The following FOXP2 variants were observed in gnomAD, a reference collection of about 807,000 sequenced individuals.
The protein encoded by FOXP2 is forkhead box protein P2.
In FOXP2, 12 loss-of-function variants were observed where a neutral mutation model predicts 115.8. The ratio of observed to expected loss-of-function variants is 0.10; its 90% CI spans 0.07 to 0.17. The LOEUF (loss-of-function observed/expected upper bound fraction) is 0.17. Among genes scored for constraint, FOXP2 ranks in the 10% least tolerant of loss-of-function variants. The pLI, the probability that FOXP2 is intolerant of heterozygous loss-of-function variation, is 1.00. For synonymous variants in FOXP2, 328 were observed against 297.7 expected, an observed-to-expected ratio of 1.10 and a Z score of -1.05; for missense variants, 629 against 843.5, an observed-to-expected ratio of 0.75 and a Z score of 3.15.
intron 2 of FOXP2, among the ~76,000 whole-genome samples, chr7:114,437,361 T>C (rs866441284): frequency 2.2e-4 from 34 of 152,330 alleles, no homozygotes; most frequent in South Asian, 6.2e-4. Context: ...TCCCAAAGTC[T>C]TCCAAGTGTA....
At chr7:114,588,409 A>G (rs1296635817) in intron 3 of FOXP2, among the ~76,000 whole-genome samples, 1 of 152,168 alleles carries the variant, frequency 6.6e-6, no homozygotes, top group African/African-American at 2.4e-5. Context: ...AATGCTCCGA[A>G]ATGATAAGAA....
At chr7:114,484,809 A>G (rs575321824) in intron 2 of FOXP2, among the ~76,000 whole-genome samples, 1 of 151,946 alleles carries the variant, frequency 6.6e-6, no homozygotes, top group African/African-American at 2.4e-5. Flanking sequence ...GAAAAATAAC[A>G]AAATCATTAT....
At chr7:114,158,269 G>A (rs777413098), upstream of FOXP2, among the ~76,000 whole-genome samples, 2 of 152,080 alleles carry the variant, frequency 1.3e-5, no homozygotes, top group African/African-American at 4.8e-5. Flanking sequence ...TTGTCAGGTC[G>A]CAGGCTAGCC....
chr7:114,625,731 C>G (rs1022946902), intron 3 of FOXP2, among the ~76,000 whole-genome samples: 3 of 151,710 alleles, frequency 2.0e-5, no homozygotes, highest in Non-Finnish European at 4.4e-5. Context: ...TGCAATATTA[C>G]TGACCTTTGT....
chr7:114,161,821 G>A (rs1792844623), upstream of FOXP2, among the ~76,000 whole-genome samples: 1 of 152,050 alleles, frequency 6.6e-6, no homozygotes, highest in African/African-American at 2.4e-5. Flanking sequence ...CTGTTGCCCA[G>A]GCTGGAGTGC....
chr7:114,670,464 G>A lies in FOXP2; in HGVS notation c.2003+6028G>A, dbSNP rs575477329. Among the ~76,000 whole-genome samples the A allele has an allele frequency of 1.0e-3, 152 of 151,886 alleles. 1 individual carries two copies. Among genetic ancestry groups the A allele is most frequent in the African/African-American group, 3.2e-3 (132 of 41,448 alleles). On this transcript the variant is annotated intron_variant, in intron 16 of 16. Transcript: ENST00000350908. ...CATCACATACCCCAGTCATCTTTAC[G>A]ACATCCTCTTCTTCTTCATAACCTC...
At chr7:114,598,862 T>C (rs140033889) in intron 3 of FOXP2, among the ~76,000 whole-genome samples, 10 of 152,228 alleles carry the variant, frequency 6.6e-5, no homozygotes, top group Admixed American at 1.3e-4. Context: ...GATTGTAAAA[T>C]AGAACATTTA....
intron 1 of FOXP2, among the ~76,000 whole-genome samples, chr7:114,418,927 G>T (rs1793473787): frequency 6.6e-6 from 1 of 151,832 alleles, no homozygotes; most frequent in African/African-American, 2.4e-5. Context: ...CTAACTGAAA[G>T]ACTAGTAATT....
At chr7:114,174,847 A>C (rs1407261512) in intron 1 of FOXP2, among the ~76,000 whole-genome samples, 1 of 152,148 alleles carries the variant, frequency 6.6e-6, no homozygotes, top group African/African-American at 2.4e-5. Context: ...GTAATTCAAC[A>C]AAATGAAGCA....
chr7:114,587,341 T>C (rs1554425514), intron 3 of FOXP2, among the ~76,000 whole-genome samples: 1 of 152,126 alleles, frequency 6.6e-6, no homozygotes, highest in Non-Finnish European at 1.5e-5. Flanking sequence ...GGTTTTCTGA[T>C]CCTGTGTTCA....
chr7:114,442,438 A>T (rs1443464107), intron 2 of FOXP2, among the ~76,000 whole-genome samples: 1 of 151,928 alleles, frequency 6.6e-6, no homozygotes, highest in Admixed American at 6.6e-5. Flanking sequence ...AAAACACTGA[A>T]TTGTACATTG....
chr7:114,577,823 C>G (rs1801652358), intron 3 of FOXP2, among the ~76,000 whole-genome samples: 1 of 151,820 alleles, frequency 6.6e-6, no homozygotes, highest in African/African-American at 2.4e-5. Context: ...TGGCATACAA[C>G]AGCCAGTATA....
intron 3 of FOXP2, among the ~76,000 whole-genome samples, chr7:114,606,008 G>A (rs927297948): frequency 2.0e-5 from 3 of 152,102 alleles, no homozygotes; most frequent in Non-Finnish European, 2.9e-5. Context: ...ATGAAAAATG[G>A]CCAGGTATGG....
chr7:114,271,527 TATTATATTATTATA>T (rs1796038985), intron 1 of FOXP2, among the ~76,000 whole-genome samples: 1 of 129,550 alleles, frequency 7.7e-6, no homozygotes, highest in Non-Finnish European at 1.6e-5. Context: ...TTAATATAAT[TATTATATTATTATA>T]ATTATATTAT....
intron 1 of FOXP2, among the ~76,000 whole-genome samples, chr7:114,202,349 A>C (rs970935720): frequency 3.9e-5 from 6 of 152,152 alleles, no homozygotes; most frequent in African/African-American, 1.2e-4. Context: ...TGTGCTGGCT[A>C]TAGGCTTATA....
At chr7:114,558,238 A>T (rs1047177841) in intron 3 of FOXP2, among the ~76,000 whole-genome samples, 1 of 152,202 alleles carries the variant, frequency 6.6e-6, no homozygotes, top group Non-Finnish European at 1.5e-5. Flanking sequence ...AGAAACAAAA[A>T]GTTATTGCTT....
intron 1 of FOXP2, among the ~76,000 whole-genome samples, chr7:114,240,354 G>A (rs796117347): frequency 3.2e-4 from 49 of 151,980 alleles, no homozygotes; most frequent in African/African-American, 1.2e-3. Flanking sequence ...TATTTCGTTT[G>A]TTTAATATAA....
chr7:114,686,911 C>T (rs1205620361), intron 16 of FOXP2, among the ~76,000 whole-genome samples: 1 of 152,024 alleles, frequency 6.6e-6, no homozygotes. Flanking sequence ...CATTAGGATT[C>T]CATTGCAGTT....
chr7:114,692,917 G>A lies in FOXP2; in HGVS notation c.*2991G>A, dbSNP rs1260229112. On this transcript the variant is annotated 3_prime_UTR_variant, in exon 17 of 17. Transcript: ENST00000350908. ...GAATTCTCTGACGTTAGAAGTCATGGTTGAGAATTGTAACAGCTGTTATTC... is the reference window on the plus strand; with the variant it reads ...GAATTCTCTGACGTTAGAAGTCATGATTGAGAATTGTAACAGCTGTTATTC... The A allele has an allele frequency of 2.2e-6, 1 of 453,790 alleles. No individual in the cohort carries two copies. The highest frequency in any genetic ancestry group is 2.0e-5 in the African/African-American group (1 of 49,978). The allele number at this position is 453,790 out of a possible 1,614,324, so 28.1% of individuals were successfully genotyped here.
Sources: allele counts gnomAD v4.1 joint callset (sites outside exome capture counted in the v4.1 genomes callset), GRCh38; gene constraint gnomAD v4.1.1; transcripts MANE v1.5; gene names NCBI Gene and HGNC (gene_info 2026-07-23, HGNC 2026-07-21).